CCDC14: variants seen among roughly 807,000 people sequenced by gnomAD.
CCDC14 encodes coiled-coil domain containing 14.
In CCDC14, 71 loss-of-function variants were observed where a neutral mutation model predicts 81.4. That is an observed-to-expected ratio of 0.87 (90% CI 0.72 to 1.06). The LOEUF (loss-of-function observed/expected upper bound fraction) is 1.06, where lower values mean the gene tolerates loss of function less well. Among genes scored for constraint, CCDC14 ranks in the 50% least tolerant of loss-of-function variants. The probability of loss-of-function intolerance (pLI) is 0.00; values close to 1 mark genes in which losing one functional copy is unlikely to be tolerated. For synonymous variants in CCDC14, 332 were observed against 364.8 expected (o/e 0.91, Z 1.03); for missense variants, 1,046 against 1,047.3 (o/e 1.00, Z 0.02).
At chr3:123,948,492 G>A (rs1254893102) in intron 7 of CCDC14, among the ~76,000 whole-genome samples, 199 bp downstream of exon 7, 4 of 151,880 alleles carry the variant, frequency 2.6e-5, no homozygotes, top group Admixed American at 6.6e-5. Context: ...CACCCACCTC[G>A]GCCTCCCAAA....
At chr3:123,927,757 C>A (rs2035456573) in intron 12 of CCDC14, among the ~76,000 whole-genome samples, 1 of 151,748 alleles carries the variant, frequency 6.6e-6, no homozygotes, top group African/African-American at 2.4e-5. Context: ...AATTAATGAA[C>A]TTTTTCAGTT....
At chr3:123,933,933 T>C (rs2035897664) in intron 9 of CCDC14, among the ~76,000 whole-genome samples, 178 bp from the exon 10 acceptor site, 1 of 152,140 alleles carries the variant, frequency 6.6e-6, no homozygotes, top group African/African-American at 2.4e-5. Flanking sequence ...CTACTATTAT[T>C]ATGAGGCCTG....
Position 123,914,944 on chromosome 3 carries a change from A to G in CCDC14, c.2553T>C (p.Cys851=). ...NSLQVKGNTV[C]DGSVFTSDLM... is the part of the protein sequence containing the mutation. ...AGTCAGAAGTGAAAACACTACCATC[A>G]CAGACAGTATTGCCTTTCACTTGAA... The change falls in exon 13 of 13, where the codon TGT becomes TGC. Residue 851 remains cysteine, a synonymous_variant. Transcript: ENST00000409697. The G allele has an allele frequency of 6.2e-7, 1 of 1,614,056 alleles. No individual in the cohort carries two copies. The highest frequency in any genetic ancestry group is 8.5e-7 in the Non-Finnish European group (1 of 1,179,890).
intron 5 of CCDC14, chr3:123,952,822 G>A (rs2037096298): frequency 4.4e-6 from 1 of 229,014 alleles, no homozygotes; most frequent in Non-Finnish European, 1.0e-5. Context: ...CAAGTTATGA[G>A]CTTGGATTTT....
the CCDC14 span, among the ~76,000 whole-genome samples, chr3:123,890,632 G>A: frequency 3.3e-5 from 5 of 152,200 alleles, no homozygotes; most frequent in African/African-American, 9.7e-5. Flanking sequence ...ACTGATGTGA[G>A]AGGTGGGTTC....
intron 5 of CCDC14, chr3:123,952,468 T>A (rs1377466379): frequency 5.7e-6 from 2 of 353,562 alleles, no homozygotes; most frequent in Non-Finnish European, 1.3e-5. Context: ...TTATCACATG[T>A]AAAAGTTGCT....
chr3:123,898,735 T>C (rs1250228278), intron 5 of CCDC14, among the ~76,000 whole-genome samples: 2 of 152,208 alleles, frequency 1.3e-5, no homozygotes, highest in Non-Finnish European at 2.9e-5. Flanking sequence ...TCACCCAGAC[T>C]AGAGTGCAGC....
intron 5 of CCDC14, among the ~76,000 whole-genome samples, chr3:123,903,495 G>C (rs1469953128): frequency 6.6e-6 from 1 of 152,102 alleles, no homozygotes; most frequent in Non-Finnish European, 1.5e-5. Flanking sequence ...TGGCTCAGCA[G>C]TTCTACTCCT....
chr3:123,890,019 G>A, the CCDC14 span, among the ~76,000 whole-genome samples: 7 of 152,216 alleles, frequency 4.6e-5, no homozygotes, highest in African/African-American at 1.7e-4. Flanking sequence ...CATGGTGGAA[G>A]TCAAGGCAGA....
intron 9 of CCDC14, among the ~76,000 whole-genome samples, chr3:123,936,192 G>A (rs1439594643): frequency 6.6e-6 from 1 of 151,802 alleles, no homozygotes; most frequent in African/African-American, 2.4e-5. Flanking sequence ...CTGCTTTCAG[G>A]GCTAGGCTTT....
intron 10 of CCDC14, 103 bp downstream of exon 10, chr3:123,933,570 T>C (rs865973502): frequency 1.4e-6 from 1 of 733,712 alleles, no homozygotes; most frequent in South Asian, 1.8e-5. Context: ...GTTTCTACAA[T>C]ATTTTAAATT....
chr3:123,888,985 T>G, the CCDC14 span, among the ~76,000 whole-genome samples: 1 of 152,250 alleles, frequency 6.6e-6, no homozygotes, highest in Non-Finnish European at 1.5e-5. Flanking sequence ...AACTCAAAAA[T>G]CCACAGTCTA....
At chr3:123,905,121 T>C (rs985725362) in intron 5 of CCDC14, among the ~76,000 whole-genome samples, 3 of 152,172 alleles carry the variant, frequency 2.0e-5, no homozygotes, top group Non-Finnish European at 4.4e-5. Context: ...CCTGGGTTGC[T>C]AGTCTTTCAG....
chr3:123,922,320 G>T (rs2148816649), intron 12 of CCDC14, among the ~76,000 whole-genome samples: 1 of 152,006 alleles, frequency 6.6e-6, no homozygotes, highest in Non-Finnish European at 1.5e-5. Context: ...AGGAAAAGGA[G>T]AACAAATTAA....
chr3:123,917,766 G>C (rs1465083507), intron 12 of CCDC14, among the ~76,000 whole-genome samples: 1 of 151,936 alleles, frequency 6.6e-6, no homozygotes, highest in African/African-American at 2.4e-5. Context: ...AACTCTTCTG[G>C]AGAGGAAACT....
At chr3:123,887,089 T>G in the CCDC14 span, among the ~76,000 whole-genome samples, 1 of 152,222 alleles carries the variant, frequency 6.6e-6, no homozygotes, top group Non-Finnish European at 1.5e-5. Context: ...GTTTTGATTC[T>G]TGAAAACAGT....
Position 123,933,736 on chromosome 3 carries a change from G to A in CCDC14, c.1363C>T (p.Gln455Ter), listed in dbSNP as rs1325911542. The change falls in exon 10 of 13, where the codon CAG (glutamine) becomes TAG (stop). Residue 455 changes from glutamine to a stop codon, truncating the protein, a stop_gained. Transcript: ENST00000409697. LOFTEE classifies it high-confidence loss of function. ...GTTTTCTGTTGTTCTCTGAGTTGCT[G>A]GTTCAAAATTCTCAACTGCCTAAAG... is the stretch of plus-strand genomic sequence containing the variant. ...QLRRQLRILN[Q>*]QLREQQKTQK... 8 of 1,568,666 alleles carry A rather than the reference G, an allele frequency of 5.1e-6. No homozygotes were observed. The Admixed American group carries it at 9.4e-5, about 18-fold the overall frequency.
intron 5 of CCDC14, among the ~76,000 whole-genome samples, chr3:123,951,681 A>T (rs1160204038): frequency 1.3e-5 from 2 of 152,188 alleles, no homozygotes; most frequent in Non-Finnish European, 2.9e-5. Context: ...TTTCACACAC[A>T]GGTCACAGCA....
chr3:123,930,177 GATC>G (rs2148850250), intron 12 of CCDC14, among the ~76,000 whole-genome samples: 1 of 152,220 alleles, frequency 6.6e-6, no homozygotes, highest in African/African-American at 2.4e-5. Context: ...CATGTGAACA[GATC>G]ATTAATTTCA....
Sources: gnomAD v4.1 joint callset for allele counts (sites outside exome capture counted in the v4.1 genomes callset) on GRCh38, gnomAD v4.1.1 for gene constraint, MANE v1.5 for transcripts, NCBI Gene and HGNC (gene_info 2026-07-23, HGNC 2026-07-21) for gene names.